The following CDH13 variants were observed in gnomAD, a reference collection of about 807,000 sequenced individuals.
CDH13 encodes cadherin-13.
In CDH13, 24 loss-of-function variants were observed where a neutral mutation model predicts 63.8. The observed-to-expected ratio is 0.38, with a 90% CI of 0.27 to 0.53. CDH13 has a LOEUF of 0.53. Among genes scored for constraint, CDH13 ranks in the 20% least tolerant of loss-of-function variants. The probability of loss-of-function intolerance (pLI) is 0.85; values close to 1 mark genes in which losing one functional copy is unlikely to be tolerated. For missense variants in CDH13, 1,049 were observed against 903.1 expected, an observed-to-expected ratio of 1.16 and a Z score of -2.07; for synonymous variants, 503 against 355.3, an observed-to-expected ratio of 1.42 and a Z score of -4.67.
At chr16:83,286,810 A>G (rs1380510106) in intron 5 of CDH13, among the ~76,000 whole-genome samples, 2 of 150,830 alleles carry the variant, frequency 1.3e-5, no homozygotes, top group South Asian at 2.1e-4. Flanking sequence ...ACACACATAT[A>G]AATATATTTA....
chr16:83,026,936 A>G (rs897503465), intron 2 of CDH13, among the ~76,000 whole-genome samples: 4 of 152,170 alleles, frequency 2.6e-5, no homozygotes, highest in Non-Finnish European at 5.9e-5. Flanking sequence ...GTGCCATTCT[A>G]AATGGATACA....
chr16:82,903,221 A>G (rs1003993100), intron 2 of CDH13, among the ~76,000 whole-genome samples: 1 of 152,358 alleles, frequency 6.6e-6, no homozygotes, highest in Non-Finnish European at 1.5e-5. Context: ...AGCAGCAGTA[A>G]TGAATGCCTC....
intron 3 of CDH13, among the ~76,000 whole-genome samples, chr16:83,074,724 G>C (rs150838868): frequency 1.3e-5 from 2 of 152,036 alleles, no homozygotes; most frequent in African/African-American, 4.8e-5. Flanking sequence ...CATAGCCATC[G>C]TCTCACACAG....
chr16:83,583,990 C>A (rs112380782), intron 7 of CDH13, among the ~76,000 whole-genome samples: 1 of 152,054 alleles, frequency 6.6e-6, no homozygotes, highest in Admixed American at 6.6e-5. Context: ...GCTTAAAGTC[C>A]TTGCTGTTTT....
At chr16:82,793,863 C>A (rs967578601) in intron 1 of CDH13, among the ~76,000 whole-genome samples, 1 of 152,106 alleles carries the variant, frequency 6.6e-6, no homozygotes, top group Non-Finnish European at 1.5e-5. Context: ...CAGAATTTTC[C>A]CCTTGCAGTT....
chr16:83,636,204 G>T (rs1911251431), intron 8 of CDH13, among the ~76,000 whole-genome samples: 1 of 152,128 alleles, frequency 6.6e-6, no homozygotes, highest in African/African-American at 2.4e-5. Context: ...GTACTGTACT[G>T]TCTTATTACC....
At chr16:83,552,200 A>C (rs1247948252) in intron 7 of CDH13, among the ~76,000 whole-genome samples, 2 of 152,174 alleles carry the variant, frequency 1.3e-5, no homozygotes, top group East Asian at 3.9e-4. Flanking sequence ...GTGATCTAGA[A>C]AGGAGCCTGT....
intron 6 of CDH13, among the ~76,000 whole-genome samples, chr16:83,401,153 C>G (rs1350293528): frequency 6.6e-6 from 1 of 152,010 alleles, no homozygotes; most frequent in African/African-American, 2.4e-5. Context: ...CCAGCCTGGC[C>G]AATATGGCCA....
chr16:83,064,753 C>T (rs1176556786), intron 3 of CDH13, among the ~76,000 whole-genome samples: 1 of 152,058 alleles, frequency 6.6e-6, no homozygotes, highest in African/African-American at 2.4e-5. Flanking sequence ...TAATTGTATG[C>T]ATTTATGAGG....
intron 1 of CDH13, among the ~76,000 whole-genome samples, chr16:82,651,887 A>G (rs1445013740): frequency 6.6e-6 from 1 of 152,184 alleles, no homozygotes; most frequent in Non-Finnish European, 1.5e-5. Flanking sequence ...TAACAGTTGG[A>G]TAGGCTGCTA....
At chr16:83,605,112 T>C (rs576873549) in intron 8 of CDH13, among the ~76,000 whole-genome samples, 1 of 152,330 alleles carries the variant, frequency 6.6e-6, no homozygotes, top group East Asian at 1.9e-4. Context: ...AAGGAAAATG[T>C]ATCTGCCTGT....
intron 3 of CDH13, among the ~76,000 whole-genome samples, chr16:83,081,966 A>T (rs1023203097): frequency 2.6e-5 from 4 of 152,004 alleles, no homozygotes; most frequent in African/African-American, 9.7e-5. Flanking sequence ...ACGCCCAGCT[A>T]ATTTTCTATT....
chr16:83,788,398 A>G (rs1027651919), intron 13 of CDH13, among the ~76,000 whole-genome samples: 6 of 152,052 alleles, frequency 3.9e-5, no homozygotes, highest in Non-Finnish European at 7.4e-5. Flanking sequence ...TTTTTATACA[A>G]TATTTTTATA....
At chr16:82,801,254 C>T (rs971564869) in intron 1 of CDH13, among the ~76,000 whole-genome samples, 1 of 152,172 alleles carries the variant, frequency 6.6e-6, no homozygotes, top group East Asian at 1.9e-4. Context: ...AGCCATTTCC[C>T]ACTCTGCTAT....
chr16:82,938,546 C>T (rs1364918501), intron 2 of CDH13, among the ~76,000 whole-genome samples: 1 of 152,126 alleles, frequency 6.6e-6, no homozygotes, highest in African/African-American at 2.4e-5. Context: ...CAGCAGGGGC[C>T]TTCTGAGAGG....
intron 1 of CDH13, among the ~76,000 whole-genome samples, chr16:82,847,631 C>G (rs189700389): frequency 6.6e-6 from 1 of 152,178 alleles, no homozygotes; most frequent in African/African-American, 2.4e-5. Context: ...CCTTAATTAC[C>G]CTTTGCCATG....
rs61606449 is a variant in CDH13, at chr16:83,169,560, GT to G, written c.483+44069del. On this transcript the variant is annotated intron_variant, in intron 4 of 13. Coordinates refer to ENST00000567109, the MANE Select transcript of CDH13 (RefSeq NM_001257.5). ...TTGCCATTTAAAAAACAGTGGTAAG[GT>G]TTTTTTTTTGTTTCTCCATGTCTTG... Among the ~76,000 whole-genome samples, 944 of 148,996 alleles carry G rather than the reference GT, an allele frequency of 6.3e-3. 8 individuals carry two copies. Among genetic ancestry groups the G allele is most frequent in the Non-Finnish European group, 0.011 (767 of 67,024 alleles).
chr16:82,890,760 T>A (rs188607729), intron 2 of CDH13, among the ~76,000 whole-genome samples: 1 of 151,804 alleles, frequency 6.6e-6, no homozygotes, highest in African/African-American at 2.4e-5. Flanking sequence ...CAAGCAATTA[T>A]CCTGCCTCAG....
intron 5 of CDH13, among the ~76,000 whole-genome samples, chr16:83,236,599 T>C (rs2040152394): frequency 6.6e-6 from 1 of 152,148 alleles, no homozygotes. Context: ...AAAACAGTTC[T>C]GGAGACAGAT....
Sources: allele counts gnomAD v4.1 joint callset (sites outside exome capture counted in the v4.1 genomes callset), GRCh38; gene constraint gnomAD v4.1.1; transcripts MANE v1.5; gene names NCBI Gene and HGNC (gene_info 2026-07-23, HGNC 2026-07-21).